The following EFCAB6 variants were observed in gnomAD, a reference collection of about 807,000 sequenced individuals.
EFCAB6 encodes the protein EF-hand calcium binding domain 6, also known as EF-hand calcium-binding domain-containing protein 6.
Under a neutral mutation model 169.8 loss-of-function variants are expected in EFCAB6, and 156 were observed. The observed-to-expected ratio is 0.92, with a 90% CI of 0.81 to 1.05. The LOEUF is 1.05. Ranked by LOEUF, EFCAB6 falls within the 50% of genes least tolerant of loss-of-function variation. EFCAB6 has a pLI of 0.00. For synonymous variants in EFCAB6, 698 were observed against 676.4 expected (o/e 1.03, Z -0.50); for missense variants, 1,800 against 1,829.1 (o/e 0.98, Z 0.29).
chr22:43,555,204 G>A, intron 26 of EFCAB6, 108 bp from the exon 27 acceptor site: 2 of 1,157,378 alleles, frequency 1.7e-6, no homozygotes, highest in Non-Finnish European at 1.2e-6. Context: ...GTGGTGGGGA[G>A]GAGAGGCCAG....
intron 26 of EFCAB6, among the ~76,000 whole-genome samples, chr22:43,566,566 T>G (rs2049447115): frequency 6.6e-6 from 1 of 152,058 alleles, no homozygotes; most frequent in Admixed American, 6.6e-5. Context: ...ATAGACAAAG[T>G]AAGTGGGGCT....
intron 17 of EFCAB6, among the ~76,000 whole-genome samples, chr22:43,636,669 G>A (rs1216776560): frequency 6.8e-5 from 10 of 146,102 alleles, no homozygotes; most frequent in Non-Finnish European, 8.9e-5. Flanking sequence ...GGAGTGCAAC[G>A]GTGCTACCTA....
At chr22:43,635,311 G>C (rs1337135913) in intron 17 of EFCAB6, 95 bp from the exon 18 acceptor site, 1 of 906,590 alleles carries the variant, frequency 1.1e-6, no homozygotes. Context: ...GCTCACAGCA[G>C]GGCTCATGAT....
In EFCAB6 at chr22:43,528,892, T is replaced by G; in HGVS notation, c.4467A>C (p.Lys1489Asn). The change falls in exon 32 of 32, where the codon AAA (lysine) becomes AAC (asparagine). Residue 1489 changes from lysine (K) to asparagine (N), a missense_variant. Transcript: ENST00000262726. The part of the protein sequence containing the change: ...LEYYDKTLSS[K>N]ISYNDFLRAF... The stretch of plus-strand genomic sequence containing the variant: ...CCCGGAGGAAGTCGTTGTAGGAGAT[T>G]TTTGAAGACAGCGTCTTATCGTAAT... 1 of 1,611,488 alleles carries G rather than the reference T, an allele frequency of 6.2e-7. No homozygotes were observed. The highest frequency in any genetic ancestry group is 8.5e-7 in the Non-Finnish European group (1 of 1,177,966).
chr22:43,566,286 T>A (rs1204319677), intron 26 of EFCAB6, among the ~76,000 whole-genome samples: 3 of 152,244 alleles, frequency 2.0e-5, no homozygotes, highest in African/African-American at 7.2e-5. Context: ...GTGGCATAAC[T>A]GCTGCCCAGG....
chr22:43,671,321 C>T (rs1039090879), intron 15 of EFCAB6, among the ~76,000 whole-genome samples: 1 of 152,174 alleles, frequency 6.6e-6, no homozygotes, highest in East Asian at 1.9e-4. Context: ...CCTGCCTCAG[C>T]CTCCCAAGTA....
intron 10 of EFCAB6, among the ~76,000 whole-genome samples, chr22:43,701,583 T>C (rs2058767746): frequency 6.6e-6 from 1 of 151,498 alleles, no homozygotes; most frequent in Non-Finnish European, 1.5e-5. Context: ...ATTTAATATA[T>C]GGCAAAACAG....
At chr22:43,703,675 C>A (rs2058846039) in intron 10 of EFCAB6, among the ~76,000 whole-genome samples, 1 of 148,292 alleles carries the variant, frequency 6.7e-6, no homozygotes. Flanking sequence ...TTTTAAAACC[C>A]AAATAGAAAT....
At chr22:43,598,345 T>C (rs1365357354) in intron 23 of EFCAB6, among the ~76,000 whole-genome samples, 1 of 132,130 alleles carries the variant, frequency 7.6e-6, no homozygotes, top group East Asian at 2.3e-4. Context: ...AAAAGGTTGA[T>C]CTCAGACAGA....
intron 27 of EFCAB6, among the ~76,000 whole-genome samples, chr22:43,541,676 C>T (rs1026439439): frequency 1.2e-4 from 18 of 152,294 alleles, no homozygotes; most frequent in Non-Finnish European, 2.4e-4. Flanking sequence ...AGTACAGTAA[C>T]CTGTCAGACA....
At chr22:43,695,714 A>G (rs1181402559) in intron 10 of EFCAB6, among the ~76,000 whole-genome samples, 1 of 152,132 alleles carries the variant, frequency 6.6e-6, no homozygotes, top group Non-Finnish European at 1.5e-5. Context: ...GTGCAAAGTA[A>G]TTCATTGGAG....
rs2147717849 is a variant in EFCAB6 at position 43,615,902 on chromosome 22, TC to T, written c.2485del (p.Asp829IlefsTer4). ...RLIRPKQKVA[D>X]SELACEQAHQ... ...AGCCTGCTCACAAGCTAGTTCTGAA[TC>T]CGCAACCTTCTGTTTTGGTCTTAAA... On this transcript the variant is annotated frameshift_variant, in exon 21 of 32. Coordinates refer to ENST00000262726, the MANE Select transcript of EFCAB6 (RefSeq NM_022785.4). LOFTEE classifies it high-confidence loss of function. The T allele has an allele frequency of 1.9e-6, 3 of 1,613,478 alleles. No individual in the cohort carries two copies. The East Asian group carries it at 6.7e-5, about 36-fold the overall frequency.
chr22:43,758,176 A>G (rs1434499759), intron 5 of EFCAB6, among the ~76,000 whole-genome samples: 1 of 152,178 alleles, frequency 6.6e-6, no homozygotes, highest in Non-Finnish European at 1.5e-5. Context: ...CAAAAAGTCA[A>G]TAACTGGAAT....
At chr22:43,652,063 G>A (rs558686155) in intron 17 of EFCAB6, among the ~76,000 whole-genome samples, 40 of 152,316 alleles carry the variant, frequency 2.6e-4, no homozygotes, top group Non-Finnish European at 5.0e-4. Context: ...GGACTATTGG[G>A]AAGGCATGAT....
chr22:43,780,376 ACTCAGGAGG>A (rs910673271), intron 3 of EFCAB6, among the ~76,000 whole-genome samples: 5 of 150,882 alleles, frequency 3.3e-5, no homozygotes, highest in African/African-American at 1.2e-4. Context: ...GATTCCAGCT[ACTCAGGAGG>A]CTGAGGCATG....
chr22:43,741,477 C>T (rs144832323), intron 6 of EFCAB6, among the ~76,000 whole-genome samples: 1,537 of 152,302 alleles, frequency 0.01, 10 homozygotes, highest in Middle Eastern at 0.034. Flanking sequence ...CTTGAAAGCG[C>T]GCCTTCATAC....
intron 17 of EFCAB6, among the ~76,000 whole-genome samples, chr22:43,637,845 C>T (rs1339048765): frequency 6.6e-6 from 1 of 152,186 alleles, no homozygotes. Flanking sequence ...TGGTTGCTTG[C>T]TTTGAAAAAA....
At position 43,541,092 on chromosome 22, in the gene EFCAB6, C is replaced by T. The variant is rs1013804286; in HGVS notation, c.3649-735G>A. 4.6e-5 allele frequency among the ~76,000 whole-genome samples: 7 copies of T among 152,320 alleles called. No individual in the cohort carries two copies. In the East Asian group the frequency reaches 7.7e-4, roughly 17 times the overall value. On this transcript the variant is annotated intron_variant, in intron 27 of 31. Transcript: ENST00000262726. ...TTTTTGCACAGCCCCAAAAACCAGA[C>T]GGAGCCCCAGCCTCCAACACAGCTG... is the stretch of plus-strand genomic sequence containing the variant.
At chr22:43,809,855 C>T (rs1277081759) in intron 1 of EFCAB6, among the ~76,000 whole-genome samples, 1 of 151,516 alleles carries the variant, frequency 6.6e-6, no homozygotes, top group Non-Finnish European at 1.5e-5. Context: ...ATCCAACCGC[C>T]TCGGCCTCCC....
Sources: allele counts gnomAD v4.1 joint callset (sites outside exome capture counted in the v4.1 genomes callset), GRCh38; gene constraint gnomAD v4.1.1; transcripts MANE v1.5; gene names NCBI Gene and HGNC (gene_info 2026-07-23, HGNC 2026-07-21).